The following ARIH1 variants were observed in gnomAD, a reference collection of about 807,000 sequenced individuals.
ARIH1 encodes E3 ubiquitin-protein ligase ARIH1.
In ARIH1, 8 loss-of-function variants were observed where a neutral mutation model predicts 85.0. The ratio of observed to expected loss-of-function variants is 0.09; its 90% confidence interval spans 0.06 to 0.17. The LOEUF is 0.17. Ranked by LOEUF, ARIH1 falls within the 10% of genes least tolerant of loss-of-function variation. The pLI is 1.00. For missense variants in ARIH1, 311 were observed against 718.1 expected (o/e 0.43, Z 6.48); for synonymous variants, 238 against 253.6 (o/e 0.94, Z 0.59).
In ARIH1 at chr15:72,583,548, T is replaced by C; in HGVS notation, c.*256T>C. ...CACTAAAAGCCCTCCAACTTTAACT[T>C]GTAACGTAGCTTCATTCTCAAAGCT... On this transcript the variant is annotated 3_prime_UTR_variant, in exon 14 of 14. Transcript: ENST00000379887. 2.7e-6 allele frequency: 1 copy of C among 372,828 alleles called. No individual in the cohort carries two copies. Among genetic ancestry groups the C allele is most frequent in the African/African-American group, 2.1e-5 (1 of 48,382 alleles). The allele number at this position is 372,828 out of a possible 1,614,324, so 23.1% of individuals were successfully genotyped here.
At chr15:72,519,168 AGTT>A (rs1340138013) in intron 2 of ARIH1, among the ~76,000 whole-genome samples, 3 of 152,148 alleles carry the variant, frequency 2.0e-5, no homozygotes, top group African/African-American at 4.8e-5. Context: ...AATTAAACCT[AGTT>A]GTTGGGAACT....
Position 72,583,324 on chromosome 15 carries a change from C to T in ARIH1, c.*32C>T, listed in dbSNP as rs1329100317. The T allele has an allele frequency of 6.4e-7, 1 of 1,566,534 alleles. No individual in the cohort carries two copies. The highest frequency in any genetic ancestry group is 1.1e-5 in the South Asian group (1 of 88,966). ...CCCTGCATAAAATGAACTCTGAAAA[C>T]TTTACCATCTAGAGTGCTCATGCAA... On this transcript the variant is annotated 3_prime_UTR_variant, in exon 14 of 14. Coordinates refer to ENST00000379887, the MANE Select transcript of ARIH1 (RefSeq NM_005744.5).
At chr15:72,574,197 T>A (rs1319045195) in intron 11 of ARIH1, among the ~76,000 whole-genome samples, 1 of 152,216 alleles carries the variant, frequency 6.6e-6, no homozygotes, top group East Asian at 1.9e-4. Context: ...TGCATAGCTT[T>A]TGAGCCAGAG....
chr15:72,517,649 C>G (rs1343470826), intron 1 of ARIH1, among the ~76,000 whole-genome samples: 1 of 152,080 alleles, frequency 6.6e-6, no homozygotes, highest in Non-Finnish European at 1.5e-5. Context: ...GTCACAAACT[C>G]CTGAGCTCAA....
At chr15:72,479,341 G>A (rs560951548) in intron 1 of ARIH1, among the ~76,000 whole-genome samples, 17 of 152,174 alleles carry the variant, frequency 1.1e-4, no homozygotes, top group African/African-American at 3.9e-4. Flanking sequence ...TTGAATGTGA[G>A]TGGTCAGAGG....
intron 1 of ARIH1, among the ~76,000 whole-genome samples, chr15:72,492,758 G>T (rs999442272): frequency 1.3e-5 from 2 of 152,122 alleles, no homozygotes; most frequent in Non-Finnish European, 2.9e-5. Context: ...ATATGATAAT[G>T]TATGAAGCTT....
chr15:72,574,922 CA>C (rs1324211239), intron 11 of ARIH1, among the ~76,000 whole-genome samples: 101 of 119,002 alleles, frequency 8.5e-4, no homozygotes, highest in African/African-American at 2.4e-3. Flanking sequence ...CCCATCTCTA[CA>C]AAAAAAAAAC....
At chr15:72,524,282 G>A (rs1478451292) in intron 2 of ARIH1, among the ~76,000 whole-genome samples, 1 of 133,114 alleles carries the variant, frequency 7.5e-6, no homozygotes, top group Non-Finnish European at 1.6e-5. Context: ...AGTCTTGCTC[G>A]GTTGCCCAGG....
intron 2 of ARIH1, among the ~76,000 whole-genome samples, chr15:72,532,317 A>T (rs183901119): frequency 9.2e-5 from 14 of 152,238 alleles, no homozygotes; most frequent in African/African-American, 3.4e-4. Flanking sequence ...ATGGACAACT[A>T]TTCAAACTTG....
rs1201158409 is a variant in ARIH1 at position 72,593,801 on chromosome 15, TA to T, written c.*10513del. The T allele has an allele frequency of 6.6e-6, 1 of 152,140 alleles. No individual in the cohort carries two copies. Among genetic ancestry groups the T allele is most frequent in the African/African-American group, 2.4e-5 (1 of 41,438 alleles). The allele number at this position is 152,140 out of a possible 1,614,324, so 9.4% of individuals were successfully genotyped here. A position where few individuals can be genotyped will look rare whatever the true frequency, so the allele number is the denominator to read the frequency against. On this transcript the variant is annotated 3_prime_UTR_variant, in exon 14 of 14. Transcript: ENST00000379887. Reference sequence around the variant, plus strand: ...TTATTGTCGATTCTTTGGATTGTCATAAAAGTTTTACAATTAGCTCATCTTG... The same window carrying T: ...TTATTGTCGATTCTTTGGATTGTCATAAAGTTTTACAATTAGCTCATCTTG...
intron 1 of ARIH1, among the ~76,000 whole-genome samples, chr15:72,501,591 G>A (rs886391709): frequency 6.6e-6 from 1 of 152,146 alleles, no homozygotes; most frequent in African/African-American, 2.4e-5. Context: ...TTGAAGTCAC[G>A]CGAATGTTTT....
Position 72,599,985 on chromosome 15 carries a change from C to T in ARIH1, c.*16693C>T, listed in dbSNP as rs2064376678. On this transcript the variant is annotated 3_prime_UTR_variant, in exon 14 of 14. Coordinates refer to ENST00000379887, the MANE Select transcript of ARIH1 (RefSeq NM_005744.5). The stretch of plus-strand genomic sequence containing the variant: ...TCCCAGTGTTGGCTGGACTCTCAAG[C>T]GTTTGTGGTATAGGTTTTGGGAGGA... 1 of 152,068 alleles carries T rather than the reference C, an allele frequency of 6.6e-6. No homozygotes were observed. Among genetic ancestry groups the T allele is most frequent in the African/African-American group, 2.4e-5 (1 of 41,402 alleles). 9.4% of individuals were successfully genotyped at this position (152,068 alleles called of 1,614,324 possible).
intron 2 of ARIH1, among the ~76,000 whole-genome samples, chr15:72,537,093 T>TTTG (rs144724943): frequency 0.12 from 18,267 of 151,204 alleles, 1,107 homozygotes; most frequent in Middle Eastern, 0.14. Context: ...AGTTCTCATT[T>TTTG]TTGTTGTTGT....
At chr15:72,518,566 G>A (rs1035570392) in intron 2 of ARIH1, among the ~76,000 whole-genome samples, 1 of 152,050 alleles carries the variant, frequency 6.6e-6, no homozygotes, top group Non-Finnish European at 1.5e-5. Flanking sequence ...GAGGCAGGTG[G>A]AACACGAGGT....
chr15:72,474,873 T>C lies in ARIH1; in HGVS notation c.234T>C (p.Gly78=), dbSNP rs866411418. Residue 78 remains glycine, a synonymous_variant, in exon 1 of 14, where the codon GGT becomes GGC. Transcript: ENST00000379887. ...GGGGSALGPG[G]GGGGGGGGGG... ...GCGGCAGCGCTCTGGGGCCCGGCGGTGGCGGCGGCGGCGGCGGCGGCGGTG... is the reference window on the plus strand; with the variant it reads ...GCGGCAGCGCTCTGGGGCCCGGCGGCGGCGGCGGCGGCGGCGGCGGCGGTG... The C allele has an allele frequency of 4.2e-6, 6 of 1,413,082 alleles. No homozygotes were observed. Among genetic ancestry groups the C allele is most frequent in the Admixed American group, 2.7e-5 (1 of 36,716 alleles). The allele number at this position is 1,413,082 out of a possible 1,614,324, so 87.5% of individuals were successfully genotyped here.
At chr15:72,552,784 T>A (rs1202254794) in intron 3 of ARIH1, among the ~76,000 whole-genome samples, 1 of 151,656 alleles carries the variant, frequency 6.6e-6, no homozygotes, top group East Asian at 1.9e-4. Flanking sequence ...CCTGTTTTTT[T>A]TTTTTTTTGA....
chr15:72,533,552 T>G (rs2140418630), intron 2 of ARIH1, among the ~76,000 whole-genome samples: 2 of 152,352 alleles, frequency 1.3e-5, no homozygotes, highest in East Asian at 3.9e-4. Context: ...ATGAAAAATT[T>G]CTTTTTTCTT....
chr15:72,525,425 A>G (rs1484999366), intron 2 of ARIH1, among the ~76,000 whole-genome samples: 1 of 152,244 alleles, frequency 6.6e-6, no homozygotes, highest in African/African-American at 2.4e-5. Flanking sequence ...ACTAAAATCT[A>G]CAATAAAATT....
intron 5 of ARIH1, among the ~76,000 whole-genome samples, chr15:72,556,581 A>G (rs966768598): frequency 6.6e-6 from 1 of 151,770 alleles, no homozygotes; most frequent in African/African-American, 2.4e-5. Context: ...TTTTTCTTTT[A>G]ACTTTTAGGT....
Sources: allele counts gnomAD v4.1 joint callset (sites outside exome capture counted in the v4.1 genomes callset), GRCh38; gene constraint gnomAD v4.1.1; transcripts MANE v1.5; gene names NCBI Gene and HGNC (gene_info 2026-07-23, HGNC 2026-07-21).